The following ENKUR variants were observed in gnomAD, a reference collection of about 807,000 sequenced individuals.
ENKUR encodes the protein enkurin, TRPC channel interacting protein.
ENKUR carries 19 observed loss-of-function variants against 27.6 expected under a neutral mutation model. The ratio of observed to expected loss-of-function variants is 0.69; its 90% CI spans 0.48 to 1.01. The LOEUF is 1.01. Among genes scored for constraint, ENKUR ranks in the 50% least tolerant of loss-of-function variants. The pLI, the probability that ENKUR is intolerant of heterozygous loss-of-function variation, is 0.00. For synonymous variants in ENKUR, 117 were observed against 96.9 expected, an observed-to-expected ratio of 1.21 and a Z score of -1.22; for missense variants, 312 against 310.5, an observed-to-expected ratio of 1.00 and a Z score of -0.04.
At chr10:25,026,241 A>G (rs1205216379) in intron 2 of ENKUR, 1 of 166,882 alleles carries the variant, frequency 6.0e-6, no homozygotes. Context: ...TGTATCTCAC[A>G]CTGTCCAAAT....
At chr10:25,053,080 A>ATT (rs1851206051) in intron 2 of ENKUR, among the ~76,000 whole-genome samples, 13 of 148,846 alleles carry the variant, frequency 8.7e-5, no homozygotes, top group East Asian at 6.0e-4. Flanking sequence ...GTCTCTTTAA[A>ATT]AAAAAAAAAA....
intron 2 of ENKUR, among the ~76,000 whole-genome samples, chr10:25,055,343 A>AT (rs1342219215): frequency 6.6e-6 from 1 of 151,888 alleles, no homozygotes; most frequent in Non-Finnish European, 1.5e-5. Context: ...AAAAAAAAAA[A>AT]GGTCCTAGTT....
At chr10:25,025,494 T>C (rs1273019357) in intron 2 of ENKUR, 1 of 1,545,188 alleles carries the variant, frequency 6.5e-7, no homozygotes, top group Admixed American at 2.0e-5. Context: ...GCTATAAGCA[T>C]GCAATAATAA....
At chr10:25,061,223 C>T (rs1041027896) in exon 2 of ENKUR, 10 of 1,380,344 alleles carry the variant, frequency 7.2e-6, no homozygotes, top group South Asian at 2.5e-5. Flanking sequence ...GCTTTGAAAT[C>T]GACCCTGGTT....
At chr10:24,997,799 C>G (rs1336225976) in intron 2 of ENKUR, among the ~76,000 whole-genome samples, 2 of 141,060 alleles carry the variant, frequency 1.4e-5, no homozygotes, top group Admixed American at 1.4e-4. Flanking sequence ...TTATTTGACA[C>G]AAAGGATTTA....
At chr10:25,015,824 C>G (rs1303196550) in intron 1 of ENKUR, 36 bp downstream of exon 1, 1 of 1,558,948 alleles carries the variant, frequency 6.4e-7, no homozygotes, top group Non-Finnish European at 8.7e-7. Context: ...ATTCCCCATT[C>G]TTGTTTCAAG....
At chr10:24,997,040 GA>G (rs1850078154) in intron 2 of ENKUR, among the ~76,000 whole-genome samples, 1 of 152,152 alleles carries the variant, frequency 6.6e-6, no homozygotes, top group South Asian at 2.1e-4. Context: ...ACAAGCCAAT[GA>G]GAGATGCTTT....
At chr10:25,032,319 G>GC (rs1468142239) in intron 2 of ENKUR, among the ~76,000 whole-genome samples, 2 of 149,938 alleles carry the variant, frequency 1.3e-5, no homozygotes, top group African/African-American at 5.0e-5. Context: ...AAAGAAGGGG[G>GC]GGGGGCTATG....
chr10:25,054,718 T>G (rs1215539847), intron 2 of ENKUR, among the ~76,000 whole-genome samples: 1 of 151,204 alleles, frequency 6.6e-6, no homozygotes, highest in Non-Finnish European at 1.5e-5. Flanking sequence ...GGTCTCACTC[T>G]GTCACCCAGG....
intron 2 of ENKUR, among the ~76,000 whole-genome samples, chr10:25,046,344 T>A (rs1367159909): frequency 6.6e-6 from 1 of 152,248 alleles, no homozygotes; most frequent in Non-Finnish European, 1.5e-5. Context: ...AGCCTTTTGA[T>A]GAACGCATTA....
At chr10:25,004,450 G>A (rs989755773) in intron 1 of ENKUR, among the ~76,000 whole-genome samples, 3 of 151,868 alleles carry the variant, frequency 2.0e-5, no homozygotes, top group Admixed American at 6.6e-5. Context: ...TTGAATAATG[G>A]CCATTCTGAT....
intron 2 of ENKUR, chr10:25,025,110 C>G: frequency 6.2e-7 from 1 of 1,614,196 alleles, no homozygotes; most frequent in Non-Finnish European, 8.5e-7. Context: ...CAGCTATTAA[C>G]TCCACCTATA....
At chr10:25,024,705 AT>A in intron 2 of ENKUR, 1 of 1,614,210 alleles carries the variant, frequency 6.2e-7, no homozygotes, top group Non-Finnish European at 8.5e-7. Context: ...TTAGTCAAGG[AT>A]TTATTTCTTT....
intron 1 of ENKUR, among the ~76,000 whole-genome samples, chr10:25,006,488 G>A (rs1394334265): frequency 6.6e-6 from 1 of 152,042 alleles, no homozygotes; most frequent in Non-Finnish European, 1.5e-5. Flanking sequence ...TTTCTTCCTT[G>A]ATGGGCTGGC....
intron 2 of ENKUR, among the ~76,000 whole-genome samples, chr10:25,035,515 A>G (rs1342050002): frequency 6.6e-6 from 1 of 151,780 alleles, no homozygotes; most frequent in Non-Finnish European, 1.5e-5. Context: ...AGATTGCACC[A>G]TTGCACTCCA....
At chr10:25,017,336 G>C, upstream of ENKUR, among the ~76,000 whole-genome samples, 1 of 152,122 alleles carries the variant, frequency 6.6e-6, no homozygotes, top group East Asian at 1.9e-4. Flanking sequence ...TTTTACCCGA[G>C]TGTTTAAAAG....
At chr10:25,038,286 T>A (rs935928040) in intron 2 of ENKUR, among the ~76,000 whole-genome samples, 1 of 152,244 alleles carries the variant, frequency 6.6e-6, no homozygotes, top group African/African-American at 2.4e-5. Context: ...TCCGTGAAAT[T>A]TACACTTTAA....
At chr10:24,993,596 A>G (rs894128392) in intron 3 of ENKUR, among the ~76,000 whole-genome samples, 1 of 152,242 alleles carries the variant, frequency 6.6e-6, no homozygotes, top group African/African-American at 2.4e-5. Context: ...ACTTTAAAAG[A>G]ATTTATTTAC....
intron 3 of ENKUR, among the ~76,000 whole-genome samples, chr10:24,993,219 G>T (rs944791832): frequency 6.6e-6 from 1 of 152,186 alleles, no homozygotes; most frequent in Non-Finnish European, 1.5e-5. Context: ...AAGCTTCAAT[G>T]ATCTGAAATA....
Sources: gnomAD v4.1 joint callset for allele counts (sites outside exome capture counted in the v4.1 genomes callset) on GRCh38, gnomAD v4.1.1 for gene constraint, MANE v1.5 for transcripts, NCBI Gene and HGNC (gene_info 2026-07-23, HGNC 2026-07-21) for gene names.